Variants in ADK observed in about 807,000 individuals in gnomAD.
The protein encoded by ADK is adenosine kinase.
A neutral mutation model predicts 44.7 loss-of-function variants in ADK; 24 were observed. The observed-to-expected ratio is 0.54, with a 90% CI of 0.39 to 0.76. ADK has a LOEUF of 0.76. ADK is among the 30% of genes least tolerant of loss of function. The pLI, the probability that ADK is intolerant of heterozygous loss-of-function variation, is 0.00. For missense variants in ADK, 321 were observed against 425.1 expected (o/e 0.76, Z 2.15); for synonymous variants, 128 against 142.6 (o/e 0.90, Z 0.73).
chr10:74,680,318 A>G (rs1589364482), intron 10 of ADK, among the ~76,000 whole-genome samples: 1 of 13,664 alleles, frequency 7.3e-5, no homozygotes, highest in Non-Finnish European at 1.9e-4. Flanking sequence ...CCATCTCAAG[A>G]AAAAAAAAAA....
chr10:74,535,399 G>A (rs1244037388), intron 7 of ADK, among the ~76,000 whole-genome samples: 2 of 152,044 alleles, frequency 1.3e-5, no homozygotes, highest in Non-Finnish European at 2.9e-5. Context: ...GGAGGTTGAG[G>A]CTGCAGTGAG....
At chr10:74,238,378 A>G (rs1321823472) in intron 3 of ADK, among the ~76,000 whole-genome samples, 1 of 152,186 alleles carries the variant, frequency 6.6e-6, no homozygotes, top group African/African-American at 2.4e-5. Context: ...CTAATAGTGA[A>G]TTGCTCACAA....
At chr10:74,456,621 C>G (rs546995625) in intron 6 of ADK, among the ~76,000 whole-genome samples, 17 of 136,252 alleles carry the variant, frequency 1.2e-4, no homozygotes, top group African/African-American at 4.4e-4. Context: ...GAGCCGAGAT[C>G]GCGCCACTGC....
intron 4 of ADK, among the ~76,000 whole-genome samples, chr10:74,338,935 A>G (rs1356030571): frequency 1.3e-5 from 2 of 152,118 alleles, no homozygotes; most frequent in African/African-American, 4.8e-5. Flanking sequence ...TGTAATGTCT[A>G]CTTTGGGGAG....
At position 74,168,422 on chromosome 10, in the gene ADK, C is replaced by T. The variant is rs1183253549; in HGVS notation, c.65+17079C>T. The stretch of plus-strand genomic sequence containing the variant: ...GGGCATGGTGGCATGCGCTGTAGTT[C>T]CAGCTACTTGGGAGCCTGAGGCAGG... On this transcript the variant is annotated intron_variant, in intron 1 of 10. Coordinates refer to ENST00000539909, the MANE Select transcript of ADK (RefSeq NM_006721.4). Among the ~76,000 whole-genome samples the T allele has an allele frequency of 2.6e-5, 4 of 151,152 alleles. No homozygotes were observed. In the East Asian group the frequency reaches 8.0e-4, roughly 30 times the overall value.
intron 9 of ADK, among the ~76,000 whole-genome samples, chr10:74,668,869 C>G (rs1386464205): frequency 6.6e-6 from 1 of 150,510 alleles, no homozygotes; most frequent in Non-Finnish European, 1.5e-5. Flanking sequence ...CCTGTCTCTA[C>G]CCACCCGCCC....
At chr10:74,434,972 T>C (rs889032102) in intron 6 of ADK, among the ~76,000 whole-genome samples, 6 of 152,218 alleles carry the variant, frequency 3.9e-5, no homozygotes, top group African/African-American at 1.4e-4. Context: ...ACAGTAGCAC[T>C]ATATATGGGT....
At chr10:74,431,362 A>G (rs181032154) in intron 6 of ADK, among the ~76,000 whole-genome samples, 1 of 152,194 alleles carries the variant, frequency 6.6e-6, no homozygotes, top group African/African-American at 2.4e-5. Flanking sequence ...CTTAATCCGC[A>G]TATCTGTTTC....
intron 9 of ADK, among the ~76,000 whole-genome samples, chr10:74,636,683 G>A (rs1454720503): frequency 6.6e-6 from 1 of 152,154 alleles, no homozygotes; most frequent in Non-Finnish European, 1.5e-5. Flanking sequence ...ACAATTTGTT[G>A]TAATAAGAAC....
intron 7 of ADK, among the ~76,000 whole-genome samples, chr10:74,531,204 A>G (rs1420559951): frequency 6.6e-6 from 1 of 152,208 alleles, no homozygotes; most frequent in African/African-American, 2.4e-5. Flanking sequence ...ATGAGGACCT[A>G]TAACCATTCC....
chr10:74,218,019 G>A (rs189328329), intron 2 of ADK, among the ~76,000 whole-genome samples: 4 of 152,236 alleles, frequency 2.6e-5, no homozygotes, highest in South Asian at 2.1e-4. Context: ...AAAGCTGGAC[G>A]GAGAATGACT....
At chr10:74,540,316 C>T (rs552466082) in intron 7 of ADK, among the ~76,000 whole-genome samples, 1 of 152,016 alleles carries the variant, frequency 6.6e-6, no homozygotes, top group South Asian at 2.1e-4. Context: ...CTATTTTATT[C>T]ACTATTTCTA....
intron 4 of ADK, among the ~76,000 whole-genome samples, chr10:74,326,552 A>G (rs1841024102): frequency 6.6e-6 from 1 of 152,142 alleles, no homozygotes; most frequent in Admixed American, 6.5e-5. Context: ...TGGAGGCTGC[A>G]GTGAACTATG....
intron 10 of ADK, among the ~76,000 whole-genome samples, chr10:74,691,327 G>T (rs1313412626): frequency 6.6e-6 from 1 of 152,156 alleles, no homozygotes; most frequent in African/African-American, 2.4e-5. Flanking sequence ...AATATATCAG[G>T]TTTGCTTTAA....
chr10:74,655,002 C>A, intron 9 of ADK: 1 of 190,054 alleles, frequency 5.3e-6, no homozygotes, highest in South Asian at 9.7e-5. Flanking sequence ...CTGCAAGGGC[C>A]CCGACCCCTC....
At chr10:74,705,302 TC>T in intron 10 of ADK, among the ~76,000 whole-genome samples, 1 of 139,378 alleles carries the variant, frequency 7.2e-6, no homozygotes, top group Non-Finnish European at 1.6e-5. Context: ...GCTCAGCAGC[TC>T]AGGTTTCCCC....
intron 3 of ADK, among the ~76,000 whole-genome samples, chr10:74,280,048 C>T (rs1213212737): frequency 1.3e-5 from 2 of 152,122 alleles, no homozygotes; most frequent in East Asian, 3.8e-4. Flanking sequence ...AAAAAGTTTA[C>T]TTTTCTCTTT....
In ADK at chr10:74,234,516, C is replaced by A. The variant is rs781647696; in HGVS notation, c.194+9925C>A. Among the ~76,000 whole-genome samples the A allele has an allele frequency of 4.3e-4, 66 of 152,030 alleles. 1 individual carries two copies. Among genetic ancestry groups the A allele is most frequent in the Non-Finnish European group, 8.4e-4 (57 of 67,990 alleles). ...AGTGATATTGTTCATTATGAACATA[C>A]CTACTTGAAAAGTATTTAAAGGTAT... On this transcript the variant is annotated intron_variant, in intron 3 of 10. Coordinates refer to ENST00000539909, the MANE Select transcript of ADK (RefSeq NM_006721.4).
At chr10:74,681,665 A>G (rs1349713684) in intron 10 of ADK, among the ~76,000 whole-genome samples, 2 of 152,058 alleles carry the variant, frequency 1.3e-5, no homozygotes, top group African/African-American at 2.4e-5. Context: ...CCAACACAAC[A>G]TGGTGAAACC....
Sources: gnomAD v4.1 joint callset for allele counts (sites outside exome capture counted in the v4.1 genomes callset) on GRCh38, gnomAD v4.1.1 for gene constraint, MANE v1.5 for transcripts, NCBI Gene and HGNC (gene_info 2026-07-23, HGNC 2026-07-21) for gene names.